Variants in CSGALNACT1 observed in about 807,000 individuals in gnomAD.
The protein encoded by CSGALNACT1 is beta4GalNAcT-1.
A neutral mutation model predicts 51.0 loss-of-function variants in CSGALNACT1; 52 were observed. The observed-to-expected ratio is 1.02, with a 90% CI of 0.82 to 1.29. CSGALNACT1 has a LOEUF of 1.29. Among genes scored for constraint, CSGALNACT1 ranks in the 50% most tolerant of loss-of-function variants. The probability of loss-of-function intolerance (pLI) is 0.00; values close to 1 mark genes in which losing one functional copy is unlikely to be tolerated. For synonymous variants in CSGALNACT1, 341 were observed against 254.4 expected (o/e 1.34, Z -3.24); for missense variants, 935 against 679.2 (o/e 1.38, Z -4.19).
At chr8:19,575,943 AG>A (rs1420769867) in intron 3 of CSGALNACT1, among the ~76,000 whole-genome samples, 4 of 152,136 alleles carry the variant, frequency 2.6e-5, no homozygotes, top group Non-Finnish European at 5.9e-5. Flanking sequence ...TCTTTAAAAA[AG>A]GTACACATTT....
chr8:19,618,653 A>G lies in CSGALNACT1; in HGVS notation c.-543-16788T>C, dbSNP rs13251469. ...TCAAAAAAAAAAAAAAAAAAAAAAA[A>G]AAAGAAAGAAAGAAAGAAAGAAAGA... On this transcript the variant is annotated intron_variant, in intron 1 of 9. Coordinates refer to the CSGALNACT1 transcript ENST00000332246. Among the ~76,000 whole-genome samples, 674 of 91,254 alleles carry G rather than the reference A, an allele frequency of 7.4e-3. 5 individuals carry two copies. Among genetic ancestry groups the G allele is most frequent in the African/African-American group, 0.036 (614 of 17,194 alleles). 59.9% of individuals were successfully genotyped at this position (91,254 alleles called of 152,430 possible).
At chr8:19,525,615 C>CAAAAAAAAAAAAAAAAA (rs34787475) in intron 3 of CSGALNACT1, among the ~76,000 whole-genome samples, 1 of 20,362 alleles carries the variant, frequency 4.9e-5, no homozygotes, top group African/African-American at 1.6e-4. Flanking sequence ...AAACTTGTCC[C>CAAAAAAAAAAAAAAAAA]AAAAAAAAAA....
intron 4 of CSGALNACT1, among the ~76,000 whole-genome samples, chr8:19,478,900 G>C (rs183007273): frequency 2.0e-5 from 3 of 152,242 alleles, no homozygotes; most frequent in African/African-American, 4.8e-5. Flanking sequence ...AAGGGATCTT[G>C]TCATGTCATT....
At chr8:19,637,963 G>A (rs569598307) in intron 1 of CSGALNACT1, among the ~76,000 whole-genome samples, 38 of 152,130 alleles carry the variant, frequency 2.5e-4, no homozygotes, top group East Asian at 2.3e-3. Flanking sequence ...ATCTCAGGTC[G>A]AAAGTGCTGG....
At chr8:19,415,201 C>G (rs1212776680) in intron 8 of CSGALNACT1, among the ~76,000 whole-genome samples, 1 of 152,192 alleles carries the variant, frequency 6.6e-6, no homozygotes, top group Non-Finnish European at 1.5e-5. Flanking sequence ...AACACTCTCA[C>G]AAATTACTAC....
chr8:19,544,701 T>C (rs999013550), intron 3 of CSGALNACT1, among the ~76,000 whole-genome samples: 1 of 152,222 alleles, frequency 6.6e-6, no homozygotes, highest in African/African-American at 2.4e-5. Context: ...TTAGCTATGC[T>C]AAATTCCAGG....
At chr8:19,677,580 C>A (rs1173413399) in intron 1 of CSGALNACT1, among the ~76,000 whole-genome samples, 1 of 152,154 alleles carries the variant, frequency 6.6e-6, no homozygotes, top group Non-Finnish European at 1.5e-5. Context: ...TTGGCATGTG[C>A]AGGGCCAGAG....
At position 19,458,659 on chromosome 8, in the gene CSGALNACT1, A is replaced by G. The variant is rs774607730; in HGVS notation, c.635-17T>C. On this transcript the variant is annotated splice_polypyrimidine_tract_variant and intron_variant, in intron 4 of 9. Coordinates refer to ENST00000454498, the Ensembl canonical transcript of CSGALNACT1. ...GGTAGATCCCTGTTAAGAGAAAAAC[A>G]AGGAAAGATAGTTCTAAAAATTAAC... 4.3e-6 allele frequency: 7 copies of G among 1,611,778 alleles called. No individual in the cohort carries two copies. Among genetic ancestry groups the G allele is most frequent in the Admixed American group, 3.3e-5 (2 of 60,006 alleles).
intron 3 of CSGALNACT1, among the ~76,000 whole-genome samples, chr8:19,545,054 G>A (rs1386211944): frequency 1.3e-5 from 2 of 151,578 alleles, no homozygotes; most frequent in South Asian, 2.1e-4. Context: ...AAATCACGAC[G>A]ACACAGCGAC....
exon 9 of CSGALNACT1, chr8:19,408,642 C>G: frequency 6.2e-7 from 1 of 1,613,876 alleles, no homozygotes; most frequent in East Asian, 2.2e-5. Flanking sequence ...CCGATACTGA[C>G]ACGTCATCCC....
At chr8:19,418,563 A>C in intron 8 of CSGALNACT1, 93 bp downstream of exon 7, 2 of 847,366 alleles carry the variant, frequency 2.4e-6, no homozygotes, top group Non-Finnish European at 4.0e-6. Context: ...CATTGCACAG[A>C]TTTCTACTCA....
At chr8:19,405,891 G>A (rs750404605) in exon 10 of CSGALNACT1, 15 of 1,614,092 alleles carry the variant, frequency 9.3e-6, no homozygotes, top group Non-Finnish European at 1.2e-5. Flanking sequence ...TCATGGCCTT[G>A]GACTGCATGC....
intron 3 of CSGALNACT1, among the ~76,000 whole-genome samples, chr8:19,538,530 G>A (rs184353198): frequency 2.2e-3 from 342 of 152,278 alleles, no homozygotes; most frequent in Non-Finnish European, 4.0e-3. Context: ...CTGACCTCAT[G>A]TCGAACGCAG....
exon 10 of CSGALNACT1, chr8:19,405,777 A>T (rs766161165): frequency 1.2e-6 from 2 of 1,613,936 alleles, no homozygotes; most frequent in Non-Finnish European, 1.7e-6. Context: ...CTTCTCTGGG[A>T]GTTCATGTTT....
At chr8:19,559,963 G>A (rs2040340175) in intron 3 of CSGALNACT1, among the ~76,000 whole-genome samples, 2 of 152,146 alleles carry the variant, frequency 1.3e-5, no homozygotes, top group Non-Finnish European at 1.5e-5. Context: ...GAAGTACCAG[G>A]CTGTTCTCTC....
chr8:19,692,401 G>T (rs1169619282), intron 1 of CSGALNACT1, among the ~76,000 whole-genome samples: 1 of 152,174 alleles, frequency 6.6e-6, no homozygotes, highest in South Asian at 2.1e-4. Context: ...GTAACAAATA[G>T]CTCCTCCCTT....
intron 1 of CSGALNACT1, among the ~76,000 whole-genome samples, chr8:19,621,682 G>T (rs1220907066): frequency 6.6e-6 from 1 of 152,090 alleles, no homozygotes; most frequent in African/African-American, 2.4e-5. Flanking sequence ...TCAGGAGGGT[G>T]AGACAGGAGG....
intron 1 of CSGALNACT1, among the ~76,000 whole-genome samples, chr8:19,640,228 A>G (rs2056583519): frequency 6.6e-6 from 1 of 152,218 alleles, no homozygotes; most frequent in Non-Finnish European, 1.5e-5. Flanking sequence ...TCAGTGTAAT[A>G]TTTGTATATT....
chr8:19,642,510 C>T (rs527363245), intron 1 of CSGALNACT1, among the ~76,000 whole-genome samples: 1 of 152,184 alleles, frequency 6.6e-6, no homozygotes, highest in African/African-American at 2.4e-5. Context: ...GTGGCTCATG[C>T]CTGTAATCCC....
Sources: allele counts gnomAD v4.1 joint callset (sites outside exome capture counted in the v4.1 genomes callset), GRCh38; gene constraint gnomAD v4.1.1; transcripts MANE v1.5; gene names NCBI Gene and HGNC (gene_info 2026-07-23, HGNC 2026-07-21).